The following ABLIM1 variants were observed in gnomAD, a reference collection of about 807,000 sequenced individuals.
ABLIM1 encodes actin-binding LIM protein 1.
Under a neutral mutation model 107.0 loss-of-function variants are expected in ABLIM1, and 40 were observed. The observed-to-expected ratio is 0.37, with a 90% confidence interval of 0.29 to 0.49. The LOEUF (loss-of-function observed/expected upper bound fraction) is 0.49, where lower values mean the gene tolerates loss of function less well. ABLIM1 is among the 20% of genes least tolerant of loss of function. ABLIM1 has a pLI of 0.97. For synonymous variants in ABLIM1, 357 were observed against 357.3 expected, an observed-to-expected ratio of 1.00 and a Z score of 0.01; for missense variants, 857 against 1,008.5, an observed-to-expected ratio of 0.85 and a Z score of 2.04.
At chr10:114,451,794 T>C (rs1435963946) in intron 13 of ABLIM1, 123 bp from the exon 14 acceptor site, 1 of 819,174 alleles carries the variant, frequency 1.2e-6, no homozygotes, top group Non-Finnish European at 2.0e-6. Flanking sequence ...AAGGTTAATT[T>C]CTGTATTACA....
chr10:114,586,622 C>G (rs1047952366), intron 2 of ABLIM1, among the ~76,000 whole-genome samples: 1 of 152,194 alleles, frequency 6.6e-6, no homozygotes, highest in African/African-American at 2.4e-5. Context: ...TACATAAACT[C>G]TAACCTTGAA....
At chr10:114,472,402 C>A (rs11196754) in intron 10 of ABLIM1, among the ~76,000 whole-genome samples, 7 of 151,970 alleles carry the variant, frequency 4.6e-5, no homozygotes, top group African/African-American at 1.7e-4. Flanking sequence ...AGGAAACTAG[C>A]AGCAGAATGG....
At chr10:114,591,906 G>C (rs80170182) in intron 2 of ABLIM1, among the ~76,000 whole-genome samples, 1,660 of 152,124 alleles carry the variant, frequency 0.011, 26 homozygotes, top group African/African-American at 0.038. Context: ...CCCTCAAAAT[G>C]TTTTAGAGTT....
chr10:114,457,004 C>T (rs1396467186), intron 12 of ABLIM1, among the ~76,000 whole-genome samples: 1 of 151,698 alleles, frequency 6.6e-6, no homozygotes, highest in Non-Finnish European at 1.5e-5. Flanking sequence ...TTTAAAACTT[C>T]CCACAAAGCA....
At chr10:114,736,400 C>T (rs1412818694) in intron 1 of ABLIM1, among the ~76,000 whole-genome samples, 1 of 152,124 alleles carries the variant, frequency 6.6e-6, no homozygotes, top group Non-Finnish European at 1.5e-5. Context: ...AGTATATTGG[C>T]TGACTGGGTT....
At chr10:114,509,697 T>C (rs1300102218) in intron 6 of ABLIM1, among the ~76,000 whole-genome samples, 1 of 152,234 alleles carries the variant, frequency 6.6e-6, no homozygotes, top group Non-Finnish European at 1.5e-5. Context: ...CCTGTCCAGT[T>C]TCATTGCCTA....
At chr10:114,563,047 C>T (rs2070007524) in intron 4 of ABLIM1, among the ~76,000 whole-genome samples, 1 of 152,130 alleles carries the variant, frequency 6.6e-6, no homozygotes, top group Admixed American at 6.6e-5. Flanking sequence ...AGGGTTTCAG[C>T]CTTTTGTGTG....
intron 6 of ABLIM1, among the ~76,000 whole-genome samples, chr10:114,518,194 A>G (rs972011329): frequency 6.6e-6 from 1 of 152,224 alleles, no homozygotes; most frequent in Non-Finnish European, 1.5e-5. Context: ...AGCAAGATAC[A>G]GAACTCTACA....
intron 6 of ABLIM1, among the ~76,000 whole-genome samples, chr10:114,535,498 A>T (rs1404799448): frequency 1.3e-5 from 2 of 152,034 alleles, no homozygotes; most frequent in East Asian, 3.9e-4. Flanking sequence ...TTTAGTAGAG[A>T]TGGGGTTTCG....
chr10:114,745,480 G>T (rs1006914686), intron 1 of ABLIM1, among the ~76,000 whole-genome samples: 2 of 152,190 alleles, frequency 1.3e-5, no homozygotes, highest in African/African-American at 2.4e-5. Context: ...ATAATCGCTG[G>T]AACCTGGGAG....
intron 1 of ABLIM1, among the ~76,000 whole-genome samples, chr10:114,663,502 GA>G (rs1336033795): frequency 6.6e-6 from 1 of 152,198 alleles, no homozygotes; most frequent in Non-Finnish European, 1.5e-5. Flanking sequence ...GCCAATACTT[GA>G]AAAGGCAGAT....
At chr10:114,561,447 A>C (rs1238610142) in intron 4 of ABLIM1, among the ~76,000 whole-genome samples, 3 of 152,214 alleles carry the variant, frequency 2.0e-5, no homozygotes, top group Non-Finnish European at 4.4e-5. Flanking sequence ...TTTTTAATAC[A>C]GTTTGCTTTT....
In ABLIM1 at chr10:114,432,289, T is replaced by C. The variant is rs551547665; in HGVS notation, c.*3971A>G. 1 of 152,306 alleles carries C rather than the reference T, an allele frequency of 6.6e-6. No homozygotes were observed. Among genetic ancestry groups the C allele is most frequent in the Admixed American group, 6.5e-5 (1 of 15,300 alleles). 9.4% of individuals were successfully genotyped at this position (152,306 alleles called of 1,614,324 possible). A position where few individuals can be genotyped will look rare whatever the true frequency, so the allele number is the denominator to read the frequency against. On this transcript the variant is annotated 3_prime_UTR_variant, in exon 23 of 23. Transcript: ENST00000533213. ...CCAGAAACACAGAAGAGGTGGTTAA[T>C]AAAAACTGAGATTGCTTCAGAGGAC...
At chr10:114,744,772 A>G (rs928395092) in intron 1 of ABLIM1, among the ~76,000 whole-genome samples, 2 of 152,208 alleles carry the variant, frequency 1.3e-5, no homozygotes, top group Non-Finnish European at 2.9e-5. Context: ...TTTGGGTAGC[A>G]TCATTCTTTT....
intron 8 of ABLIM1, chr10:114,485,205 A>C: frequency 1.1e-6 from 1 of 951,404 alleles, no homozygotes; most frequent in Non-Finnish European, 1.5e-6. Flanking sequence ...GGAGCCGAAG[A>C]AGTTATGTGA....
the ABLIM1 span, among the ~76,000 whole-genome samples, chr10:114,790,537 G>A: frequency 2.6e-5 from 4 of 152,176 alleles, no homozygotes; most frequent in South Asian, 8.3e-4. Flanking sequence ...AATAAGAAGC[G>A]TCTTGCTCAA....
At chr10:114,602,227 G>A (rs1417858006) in intron 1 of ABLIM1, among the ~76,000 whole-genome samples, 5 of 152,126 alleles carry the variant, frequency 3.3e-5, no homozygotes, top group Non-Finnish European at 7.3e-5. Context: ...TCTCTAGGAT[G>A]ACTTCATTGA....
chr10:114,438,161 G>C (rs1222950422), intron 21 of ABLIM1, among the ~76,000 whole-genome samples: 1 of 152,150 alleles, frequency 6.6e-6, no homozygotes, highest in South Asian at 2.1e-4. Flanking sequence ...TGAGCCTTAG[G>C]GGGGCTTTGT....
intron 1 of ABLIM1, among the ~76,000 whole-genome samples, chr10:114,746,123 C>T (rs1263269470): frequency 6.6e-6 from 1 of 152,154 alleles, no homozygotes; most frequent in Non-Finnish European, 1.5e-5. Flanking sequence ...AATGTACTGT[C>T]CTGGCAATAT....
Sources: allele counts gnomAD v4.1 joint callset (sites outside exome capture counted in the v4.1 genomes callset), GRCh38; gene constraint gnomAD v4.1.1; transcripts MANE v1.5; gene names NCBI Gene and HGNC (gene_info 2026-07-23, HGNC 2026-07-21).